Variants in MKLN1 observed in about 807,000 individuals in gnomAD.
MKLN1 encodes muskelin 1, also known as muskelin.
In MKLN1, 18 loss-of-function variants were observed where a neutral mutation model predicts 99.0. That is an observed-to-expected ratio of 0.18 (90% CI 0.13 to 0.27). The LOEUF (loss-of-function observed/expected upper bound fraction) is 0.27. Among genes scored for constraint, MKLN1 ranks in the 10% least tolerant of loss-of-function variants. The probability of loss-of-function intolerance (pLI) is 1.00; values close to 1 mark genes in which losing one functional copy is unlikely to be tolerated. For missense variants in MKLN1, 621 were observed against 875.9 expected (o/e 0.71, Z 3.67); for synonymous variants, 288 against 293.2 (o/e 0.98, Z 0.18).
At chr7:131,439,304 G>A (rs1291822027) in intron 10 of MKLN1, among the ~76,000 whole-genome samples, 2 of 150,822 alleles carry the variant, frequency 1.3e-5, no homozygotes, top group African/African-American at 2.4e-5. Context: ...TTTTTTACAG[G>A]TTGAAAAAAG....
At chr7:131,366,089 T>G (rs960041972) in intron 1 of MKLN1, among the ~76,000 whole-genome samples, 1 of 152,188 alleles carries the variant, frequency 6.6e-6, no homozygotes, top group Non-Finnish European at 1.5e-5. Context: ...TGATTACAGC[T>G]GAAAGAAATT....
chr7:131,183,902 C>G (rs1292929422), intron 2 of MKLN1, among the ~76,000 whole-genome samples: 1 of 151,872 alleles, frequency 6.6e-6, no homozygotes, highest in Non-Finnish European at 1.5e-5. Flanking sequence ...CTTGTGGGAA[C>G]CAGTCCTGGC....
intron 3 of MKLN1, among the ~76,000 whole-genome samples, chr7:131,388,094 G>A (rs1794084467): frequency 6.6e-6 from 1 of 152,206 alleles, no homozygotes. Context: ...TTGAACCTGG[G>A]AGTCAGAGGT....
Position 131,495,918 on chromosome 7 carries a change from T to C in MKLN1, c.*8190T>C, listed in dbSNP as rs1176017787. ...TACCATGAGGAGGAGTCTTTGTTTATGATGGACTTTTTAATATGGCCATAA... is the reference window on the plus strand; with the variant it reads ...TACCATGAGGAGGAGTCTTTGTTTACGATGGACTTTTTAATATGGCCATAA... On this transcript the variant is annotated 3_prime_UTR_variant, in exon 18 of 18. Coordinates refer to ENST00000352689, the MANE Select transcript of MKLN1 (RefSeq NM_013255.5). 1 of 152,176 alleles carries C rather than the reference T, an allele frequency of 6.6e-6. No homozygotes were observed. Among genetic ancestry groups the C allele is most frequent in the Non-Finnish European group, 1.5e-5 (1 of 68,030 alleles). 9.4% of individuals were successfully genotyped at this position (152,176 alleles called of 1,614,324 possible).
chr7:131,244,673 G>A (rs1240003162), intron 3 of MKLN1, among the ~76,000 whole-genome samples: 1 of 152,216 alleles, frequency 6.6e-6, no homozygotes, highest in Non-Finnish European at 1.5e-5. Flanking sequence ...CGACGGTGAT[G>A]ACGGTGATGA....
At chr7:131,118,125 C>G (rs943587905) in intron 1 of MKLN1, among the ~76,000 whole-genome samples, 4 of 152,118 alleles carry the variant, frequency 2.6e-5, no homozygotes, top group African/African-American at 9.7e-5. Flanking sequence ...CATAAGAGAC[C>G]TGGTTGTTTC....
At chr7:131,226,473 T>C (rs952326800) in intron 3 of MKLN1, among the ~76,000 whole-genome samples, 2 of 152,222 alleles carry the variant, frequency 1.3e-5, no homozygotes, top group Non-Finnish European at 2.9e-5. Context: ...ACTTTTCCTT[T>C]TAACTCAATT....
chr7:131,223,559 GCT>G (rs1475931239), intron 3 of MKLN1, among the ~76,000 whole-genome samples: 2 of 152,068 alleles, frequency 1.3e-5, no homozygotes, highest in Admixed American at 6.6e-5. Flanking sequence ...TTTTTCTGTG[GCT>G]CTTTCATGCC....
chr7:131,406,739 C>T (rs1211908750), intron 6 of MKLN1, among the ~76,000 whole-genome samples: 1 of 151,966 alleles, frequency 6.6e-6, no homozygotes, highest in East Asian at 1.9e-4. Context: ...GGTATTTTTG[C>T]TAGATGTAGA....
At chr7:131,269,223 G>T (rs562590296) in intron 3 of MKLN1, among the ~76,000 whole-genome samples, 12 of 152,218 alleles carry the variant, frequency 7.9e-5, no homozygotes, top group Non-Finnish European at 7.3e-5. Flanking sequence ...GTCAGTTTGT[G>T]TTGCTATCCC....
intron 3 of MKLN1, among the ~76,000 whole-genome samples, chr7:131,305,716 A>G (rs1447216881): frequency 1.3e-5 from 2 of 152,262 alleles, no homozygotes; most frequent in East Asian, 3.9e-4. Context: ...ATTTTGCCCC[A>G]CCAGAATATT....
At position 131,266,243 on chromosome 7, in the gene MKLN1, G is replaced by A. The variant is rs533532880; in HGVS notation, c.-179+63269G>A. On this transcript the variant is annotated intron_variant, in intron 3 of 7. Transcript: ENST00000416992. ...TCTATAGAATAAAGAGAGTATACTG[G>A]AAAGAATATGGTAGAGAGGTGAGGC... Among the ~76,000 whole-genome samples, 43 of 151,256 alleles carry A rather than the reference G, an allele frequency of 2.8e-4. 1 individual carries two copies. The highest frequency in any genetic ancestry group is 1.8e-3 in the Admixed American group (27 of 15,156).
intron 2 of MKLN1, among the ~76,000 whole-genome samples, chr7:131,181,241 C>T (rs1309170531): frequency 3.3e-5 from 5 of 152,126 alleles, no homozygotes; most frequent in African/African-American, 1.2e-4. Flanking sequence ...CTTAGCCTCA[C>T]ATCAGCCCTA....
chr7:131,176,737 A>T (rs1796304795), intron 2 of MKLN1, among the ~76,000 whole-genome samples: 1 of 152,252 alleles, frequency 6.6e-6, no homozygotes, highest in African/African-American at 2.4e-5. Context: ...GCAAATAACA[A>T]TTCATCCATT....
At chr7:131,390,729 T>A (rs1042890630) in intron 4 of MKLN1, among the ~76,000 whole-genome samples, 4 of 152,138 alleles carry the variant, frequency 2.6e-5, no homozygotes, top group African/African-American at 9.7e-5. Context: ...TTTCAGTTAT[T>A]ACTATAGTCA....
intron 3 of MKLN1, among the ~76,000 whole-genome samples, chr7:131,215,747 G>A (rs558138012): frequency 3.4e-4 from 51 of 152,174 alleles, no homozygotes; most frequent in Non-Finnish European, 6.9e-4. Flanking sequence ...CTGTGATGAT[G>A]GAGATACCAT....
At chr7:131,138,796 G>C (rs2116251593) in intron 1 of MKLN1, among the ~76,000 whole-genome samples, 1 of 152,272 alleles carries the variant, frequency 6.6e-6, no homozygotes, top group South Asian at 2.1e-4. Context: ...GTTTACCAAT[G>C]TTCTTTATCT....
chr7:131,181,601 C>A (rs769726161), intron 2 of MKLN1, among the ~76,000 whole-genome samples: 1 of 150,884 alleles, frequency 6.6e-6, no homozygotes, highest in African/African-American at 2.4e-5. Flanking sequence ...CCCAATAACT[C>A]GAGAGGCTGA....
At chr7:131,192,179 A>T (rs1796564192) in intron 2 of MKLN1, among the ~76,000 whole-genome samples, 4 of 111,856 alleles carry the variant, frequency 3.6e-5, no homozygotes, top group Admixed American at 1.2e-4. Flanking sequence ...ATAATATATA[A>T]AAATATATAA....
Sources: gnomAD v4.1 joint callset for allele counts (sites outside exome capture counted in the v4.1 genomes callset) on GRCh38, gnomAD v4.1.1 for gene constraint, MANE v1.5 for transcripts, NCBI Gene and HGNC (gene_info 2026-07-23, HGNC 2026-07-21) for gene names.